Variants in PRSS12 observed in about 807,000 individuals in gnomAD.
PRSS12 encodes the protein serine protease 12.
A neutral mutation model predicts 104.4 loss-of-function variants in PRSS12; 85 were observed. The ratio of observed to expected loss-of-function variants is 0.81; its 90% CI spans 0.68 to 0.98. The LOEUF (loss-of-function observed/expected upper bound fraction) is 0.98. Among genes scored for constraint, PRSS12 ranks in the 50% least tolerant of loss-of-function variants. The pLI is 0.00. For missense variants in PRSS12, 1,141 were observed against 1,139.2 expected (o/e 1.00, Z -0.02); for synonymous variants, 454 against 425.2 (o/e 1.07, Z -0.83).
intron 7 of PRSS12, among the ~76,000 whole-genome samples, chr4:118,312,393 C>A (rs958793088): frequency 6.6e-6 from 1 of 152,166 alleles, no homozygotes; most frequent in Admixed American, 6.5e-5. Flanking sequence ...CATACACATA[C>A]ACACAGATAG....
Position 118,283,061 on chromosome 4 carries a change from G to A in PRSS12, c.2090C>T (p.Thr697Ile), listed in dbSNP as rs200113926. The change falls in exon 12 of 13, where the codon ACT becomes ATT. Residue 697 changes from threonine to isoleucine, a missense_variant. By Grantham distance (89) the Thr-to-Ile change is moderately conservative (BLOSUM62 -1). Transcript: ENST00000296498. ...TTCCTCAAACTCCTCTGGTACCAGA[G>A]TATGATAATCTCCAACCCTAACAGC... ...SYAVRVGDYH[T>I]LVPEEFEEEI... 1.2e-5 allele frequency: 20 copies of A among 1,614,192 alleles called. No individual in the cohort carries two copies. The South Asian group carries it at 1.3e-4, about 11-fold the overall frequency.
Position 118,313,481 on chromosome 4 carries a change from G to T in PRSS12, c.1293-84C>A. On this transcript the variant is annotated intron_variant, in intron 6 of 12. Coordinates refer to ENST00000296498, the MANE Select transcript of PRSS12 (RefSeq NM_003619.4). ...CAAAACATTTAACACAAGCAACTTA[G>T]TTCAGTGACATGACTTCAGAGGATA... is the stretch of plus-strand genomic sequence containing the variant. 4 of 1,401,282 alleles carry T rather than the reference G, an allele frequency of 2.9e-6. No homozygotes were observed. In the South Asian group the frequency reaches 3.5e-5, roughly 12 times the overall value. 86.8% of individuals were successfully genotyped at this position (1,401,282 alleles called of 1,614,324 possible).
intron 11 of PRSS12, among the ~76,000 whole-genome samples, chr4:118,294,711 C>A (rs1246408546): frequency 6.6e-6 from 1 of 152,154 alleles, no homozygotes; most frequent in Non-Finnish European, 1.5e-5. Flanking sequence ...AACCCCTGTT[C>A]TTCTATTCTC....
At chr4:118,292,041 C>G (rs1036615415) in intron 11 of PRSS12, among the ~76,000 whole-genome samples, 1 of 151,770 alleles carries the variant, frequency 6.6e-6, no homozygotes, top group African/African-American at 2.4e-5. Flanking sequence ...CAAACCTGCA[C>G]GTTCTGCACA....
intron 8 of PRSS12, chr4:118,303,458 C>T (rs1039791641): frequency 6.6e-6 from 1 of 152,054 alleles, no homozygotes; most frequent in Non-Finnish European, 1.5e-5. Flanking sequence ...TAACAAATAA[C>T]AGCACATGAT....
rs1435616792 is a variant in PRSS12 at position 118,280,213 on chromosome 4, G to A, written c.*1723C>T. The A allele has an allele frequency of 6.6e-6, 1 of 152,222 alleles. No homozygotes were observed. The highest frequency in any genetic ancestry group is 6.5e-5 in the Admixed American group (1 of 15,284). The allele number at this position is 152,222 out of a possible 1,614,324, so 9.4% of individuals were successfully genotyped here. On this transcript the variant is annotated 3_prime_UTR_variant, in exon 13 of 13. Coordinates refer to ENST00000296498, the MANE Select transcript of PRSS12 (RefSeq NM_003619.4). Reference sequence around the variant, plus strand: ...AGGTTTGCTAGTCCCTGATCTACTTGAAACAGATGTTGCTTGCCCCAACAC... The same window carrying A: ...AGGTTTGCTAGTCCCTGATCTACTTAAAACAGATGTTGCTTGCCCCAACAC...
chr4:118,301,347 A>G (rs1228097223), intron 8 of PRSS12, among the ~76,000 whole-genome samples: 5 of 152,186 alleles, frequency 3.3e-5, no homozygotes, highest in South Asian at 2.1e-4. Flanking sequence ...CTCATCTCAC[A>G]TGAATTAAAG....
In PRSS12 at chr4:118,352,942, CTG is replaced by C. The variant is rs920605999; in HGVS notation, c.-224_-223del. The stretch of plus-strand genomic sequence containing the variant: ...TGGCGGCGGCCGCGGGTGGGGAAAT[CTG>C]GAGCTCAGCCGAGCCCCGGCCGGCG... On this transcript the variant is annotated 5_prime_UTR_variant, in exon 1 of 13. Transcript: ENST00000296498. 16 of 1,233,620 alleles carry C rather than the reference CTG, an allele frequency of 1.3e-5. No homozygotes were observed. Among genetic ancestry groups the C allele is most frequent in the Non-Finnish European group, 1.7e-5 (16 of 944,930 alleles). 76.4% of individuals were successfully genotyped at this position (1,233,620 alleles called of 1,614,324 possible).
chr4:118,299,053 C>A, intron 8 of PRSS12, 115 bp from the exon 9 acceptor site: 1 of 1,196,854 alleles, frequency 8.4e-7, no homozygotes, highest in Non-Finnish European at 1.2e-6. Context: ...TTAGCATCTG[C>A]ATGTGCTAAA....
rs1195561825 is a variant in PRSS12, at chr4:118,313,504, A to G, written c.1293-107T>C. 2.5e-6 allele frequency: 3 copies of G among 1,199,680 alleles called. No homozygotes were observed. The African/African-American group carries it at 4.5e-5, about 18-fold the overall frequency. 74.3% of individuals were successfully genotyped at this position (1,199,680 alleles called of 1,614,324 possible). ...TAGTTCAGTGACATGACTTCAGAGG[A>G]TAAGTATCTGTTCTTTCTCCTACCT... On this transcript the variant is annotated intron_variant, in intron 6 of 12. Transcript: ENST00000296498.
Position 118,294,988 on chromosome 4 carries a change from T to C in PRSS12, c.1990A>G (p.Thr664Ala). The C allele has an allele frequency of 1.2e-6, 2 of 1,614,126 alleles. No homozygotes were observed. Among genetic ancestry groups the C allele is most frequent in the Non-Finnish European group, 1.7e-6 (2 of 1,180,022 alleles). ...HGDGRLLCGA[T>A]LLSSCWVLTA... Reference sequence around the variant, plus strand: ...AGGACCCAGCAGCTACTCAGGAGCGTAGCCCCGCAGAGGAGCCTGCCATCT... The same window carrying C: ...AGGACCCAGCAGCTACTCAGGAGCGCAGCCCCGCAGAGGAGCCTGCCATCT... The change falls in exon 11 of 13, where the codon ACG (threonine) becomes GCG (alanine). Residue 664 changes from threonine to alanine, a missense_variant. By Grantham distance (58) the Thr-to-Ala change is moderately conservative. Transcript: ENST00000296498.
chr4:118,310,986 G>A (rs1560773387), intron 7 of PRSS12, among the ~76,000 whole-genome samples: 1 of 152,106 alleles, frequency 6.6e-6, no homozygotes, highest in Non-Finnish European at 1.5e-5. Context: ...GGGAGGTGGA[G>A]GTTGCAGTGA....
chr4:118,332,134 A>G (rs887566879), intron 3 of PRSS12, among the ~76,000 whole-genome samples: 2 of 152,176 alleles, frequency 1.3e-5, no homozygotes, highest in Non-Finnish European at 2.9e-5. Flanking sequence ...AGAAACTAGA[A>G]AAGGCACACT....
At chr4:118,337,122 T>A (rs1160751876) in intron 2 of PRSS12, among the ~76,000 whole-genome samples, 1 of 152,188 alleles carries the variant, frequency 6.6e-6, no homozygotes, top group African/African-American at 2.4e-5. Flanking sequence ...TCAATACTCA[T>A]TCCTCAGCTT....
At chr4:118,333,443 T>G (rs1370707092) in intron 3 of PRSS12, among the ~76,000 whole-genome samples, 1 of 152,216 alleles carries the variant, frequency 6.6e-6, no homozygotes, top group Non-Finnish European at 1.5e-5. Context: ...TAGCAGAAAT[T>G]TAGATTAGTG....
intron 9 of PRSS12, among the ~76,000 whole-genome samples, chr4:118,297,505 C>T (rs1743279930): frequency 6.6e-6 from 1 of 151,118 alleles, no homozygotes; most frequent in African/African-American, 2.4e-5. Context: ...TCTATACACA[C>T]ATTCATATAT....
At chr4:118,348,315 T>C (rs1403946488) in intron 1 of PRSS12, among the ~76,000 whole-genome samples, 1 of 152,154 alleles carries the variant, frequency 6.6e-6, no homozygotes, top group African/African-American at 2.4e-5. Context: ...AAAGTTAACA[T>C]TGGCATGCCT....
chr4:118,340,007 T>C (rs1313224945), intron 1 of PRSS12, among the ~76,000 whole-genome samples: 1 of 152,124 alleles, frequency 6.6e-6, no homozygotes, highest in East Asian at 1.9e-4. Context: ...ACAAACGAAA[T>C]GTGTACTTAT....
At chr4:118,344,910 T>C (rs1010063781) in intron 1 of PRSS12, among the ~76,000 whole-genome samples, 2 of 152,176 alleles carry the variant, frequency 1.3e-5, no homozygotes, top group Non-Finnish European at 2.9e-5. Context: ...CATCTACACA[T>C]AAACAAATGG....
Sources: gnomAD v4.1 joint callset for allele counts (sites outside exome capture counted in the v4.1 genomes callset) on GRCh38, gnomAD v4.1.1 for gene constraint, MANE v1.5 for transcripts, NCBI Gene and HGNC (gene_info 2026-07-23, HGNC 2026-07-21) for gene names.